CDH13: variants seen among roughly 807,000 people sequenced by gnomAD.
CDH13 encodes cadherin-13.
Under a neutral mutation model 63.8 loss-of-function variants are expected in CDH13, and 24 were observed. That is an observed-to-expected ratio of 0.38 (90% CI 0.27 to 0.53). The LOEUF (loss-of-function observed/expected upper bound fraction) is 0.53. Among genes scored for constraint, CDH13 ranks in the 20% least tolerant of loss-of-function variants. The pLI is 0.85. For synonymous variants in CDH13, 503 were observed against 355.3 expected, an observed-to-expected ratio of 1.42 and a Z score of -4.67; for missense variants, 1,049 against 903.1, an observed-to-expected ratio of 1.16 and a Z score of -2.07.
intron 3 of CDH13, among the ~76,000 whole-genome samples, chr16:83,105,800 ATG>A (rs2034734606): frequency 6.6e-6 from 1 of 152,128 alleles, no homozygotes; most frequent in South Asian, 2.1e-4. Context: ...AGCCATTGTC[ATG>A]TGTGTGTATG....
intron 2 of CDH13, among the ~76,000 whole-genome samples, chr16:82,946,945 T>A (rs1303994363): frequency 6.6e-6 from 1 of 151,998 alleles, no homozygotes; most frequent in Non-Finnish European, 1.5e-5. Context: ...ACAGATTGGA[T>A]ACATACAATC....
chr16:83,078,153 T>G (rs535006486), intron 3 of CDH13, among the ~76,000 whole-genome samples: 1 of 152,300 alleles, frequency 6.6e-6, no homozygotes, highest in Admixed American at 6.5e-5. Context: ...GGCAGAGTTT[T>G]GGGCAGAATT....
Position 82,772,279 on chromosome 16 carries a change from C to T in CDH13, c.46-86083C>T, listed in dbSNP as rs559759154. Among the ~76,000 whole-genome samples the T allele has an allele frequency of 1.2e-3, 181 of 152,196 alleles. No homozygotes were observed. In the Middle Eastern group the frequency reaches 0.014, roughly 12 times the overall value. ...CAGTAAATATTTACTGGCATACTAC[C>T]GGAGCTGCTGGCCTTTGGGAATGGA... On this transcript the variant is annotated intron_variant, in intron 1 of 13. Transcript: ENST00000567109.
chr16:83,564,266 A>G (rs927440795), intron 7 of CDH13, among the ~76,000 whole-genome samples: 1 of 152,112 alleles, frequency 6.6e-6, no homozygotes, highest in African/African-American at 2.4e-5. Flanking sequence ...GCAAGAAAAA[A>G]TGGCAGGCAA....
chr16:83,531,228 C>G (rs925049210), intron 7 of CDH13, among the ~76,000 whole-genome samples: 1 of 152,218 alleles, frequency 6.6e-6, no homozygotes, highest in African/African-American at 2.4e-5. Flanking sequence ...TTACATGTAA[C>G]TAGGCCTCTG....
intron 3 of CDH13, among the ~76,000 whole-genome samples, chr16:83,086,567 T>G (rs1027513259): frequency 5.3e-5 from 8 of 152,178 alleles, no homozygotes; most frequent in Non-Finnish European, 1.0e-4. Context: ...TTCCTCAAGG[T>G]CTTGTATAGC....
chr16:82,987,750 C>T (rs1911131854), intron 2 of CDH13, among the ~76,000 whole-genome samples: 2 of 152,170 alleles, frequency 1.3e-5, no homozygotes, highest in Non-Finnish European at 2.9e-5. Flanking sequence ...GTGTAAGGAC[C>T]ATGCAAGGAA....
chr16:83,229,768 C>G (rs1264844915), intron 5 of CDH13, among the ~76,000 whole-genome samples: 3 of 152,022 alleles, frequency 2.0e-5, no homozygotes, highest in Non-Finnish European at 2.9e-5. Context: ...GCCTGCAGGC[C>G]CACGATGAGG....
chr16:83,780,245 G>A (rs1466414377), intron 12 of CDH13, 44 bp downstream of exon 12: 1 of 1,315,172 alleles, frequency 7.6e-7, no homozygotes, highest in Non-Finnish European at 1.1e-6. Context: ...CCAGCTTTCA[G>A]TTTATTTTCT....
At chr16:83,262,534 T>C (rs535582910) in intron 5 of CDH13, among the ~76,000 whole-genome samples, 29 of 152,340 alleles carry the variant, frequency 1.9e-4, no homozygotes, top group African/African-American at 6.7e-4. Flanking sequence ...TATGAACATA[T>C]TTTACACATT....
chr16:83,786,364 CAT>C (rs951296506), intron 13 of CDH13, among the ~76,000 whole-genome samples: 1 of 152,116 alleles, frequency 6.6e-6, no homozygotes, highest in African/African-American at 2.4e-5. Context: ...ACTTAGGAAA[CAT>C]TTTCAAACTA....
At chr16:82,860,195 C>T (rs2039879961) in intron 2 of CDH13, among the ~76,000 whole-genome samples, 1 of 151,972 alleles carries the variant, frequency 6.6e-6, no homozygotes, top group Non-Finnish European at 1.5e-5. Flanking sequence ...GCGAAGCGAC[C>T]CTGAGTATGG....
intron 8 of CDH13, among the ~76,000 whole-genome samples, chr16:83,650,472 C>T (rs561826841): frequency 1.3e-5 from 2 of 152,162 alleles, no homozygotes; most frequent in Admixed American, 6.5e-5. Flanking sequence ...TGTGGGCTGC[C>T]GTACACAGGC....
At chr16:83,618,516 T>C (rs1285856830) in intron 8 of CDH13, among the ~76,000 whole-genome samples, 1 of 151,604 alleles carries the variant, frequency 6.6e-6, no homozygotes, top group Non-Finnish European at 1.5e-5. Flanking sequence ...AGAAAACAGA[T>C]CCCAGACCAA....
At chr16:83,008,989 A>C (rs1348706872) in intron 2 of CDH13, among the ~76,000 whole-genome samples, 1 of 152,196 alleles carries the variant, frequency 6.6e-6, no homozygotes, top group African/African-American at 2.4e-5. Flanking sequence ...GAAGCCCCTT[A>C]TAAAACCATC....
intron 1 of CDH13, among the ~76,000 whole-genome samples, chr16:82,788,612 C>T (rs1220118944): frequency 6.6e-6 from 1 of 152,212 alleles, no homozygotes; most frequent in East Asian, 1.9e-4. Flanking sequence ...GGGAATAGCA[C>T]AGAGCATTTG....
intron 3 of CDH13, among the ~76,000 whole-genome samples, chr16:83,044,377 G>A (rs1917591275): frequency 1.3e-5 from 2 of 152,182 alleles, no homozygotes; most frequent in East Asian, 3.8e-4. Context: ...AAAGTTGTTA[G>A]TAATAAAAAA....
At chr16:82,746,841 A>G (rs17183029) in intron 1 of CDH13, among the ~76,000 whole-genome samples, 39,775 of 152,038 alleles carry the variant, frequency 0.26, 5,857 homozygotes, top group South Asian at 0.38. Flanking sequence ...TGTGATAGAG[A>G]TTTTTTGTAA....
At chr16:83,295,008 G>A (rs918929730) in intron 5 of CDH13, among the ~76,000 whole-genome samples, 2 of 152,098 alleles carry the variant, frequency 1.3e-5, no homozygotes, top group African/African-American at 4.8e-5. Flanking sequence ...AACCAAAACA[G>A]CATGGTACTG....
Sources: allele counts gnomAD v4.1 joint callset (sites outside exome capture counted in the v4.1 genomes callset), GRCh38; gene constraint gnomAD v4.1.1; transcripts MANE v1.5; gene names NCBI Gene and HGNC (gene_info 2026-07-23, HGNC 2026-07-21).